ARHGAP45: variants seen among roughly 807,000 people sequenced by gnomAD.
ARHGAP45 encodes rho GTPase-activating protein 45.
A neutral mutation model predicts 116.1 loss-of-function variants in ARHGAP45; 56 were observed. That is an observed-to-expected ratio of 0.48 (90% CI 0.39 to 0.60). ARHGAP45 has a LOEUF of 0.60. Ranked by LOEUF, ARHGAP45 falls within the 20% of genes least tolerant of loss-of-function variation. ARHGAP45 has a pLI of 0.00. For missense variants in ARHGAP45, 1,622 were observed against 1,601.0 expected (o/e 1.01, Z -0.22); for synonymous variants, 866 against 701.7 (o/e 1.23, Z -3.70).
upstream of ARHGAP45, chr19:1,066,284 G>C (rs1185821846): frequency 2.6e-6 from 2 of 761,366 alleles, no homozygotes; most frequent in Non-Finnish European, 4.0e-6. Context: ...CTGCGGGGTG[G>C]GGGTTGGGGG....
intron 8 of ARHGAP45, 65 bp from the exon 9 acceptor site, chr19:1,074,549 T>C: frequency 4.9e-6 from 7 of 1,436,596 alleles, no homozygotes; most frequent in Non-Finnish European, 6.6e-6. Context: ...AGCTGGTGGC[T>C]GGGGGTGCTG....
At chr19:1,078,752 T>C (rs2043340913) in intron 11 of ARHGAP45, among the ~76,000 whole-genome samples, 1 of 151,828 alleles carries the variant, frequency 6.6e-6, no homozygotes, top group Admixed American at 6.6e-5. Context: ...TGTCTTGTTC[T>C]GTCACCCAGG....
intron 2 of ARHGAP45, among the ~76,000 whole-genome samples, chr19:1,072,340 A>G (rs1204461918): frequency 6.6e-6 from 1 of 152,182 alleles, no homozygotes; most frequent in Non-Finnish European, 1.5e-5. Context: ...GATTACAGGC[A>G]TGAGGCACTG....
intron 15 of ARHGAP45, 23 bp from the exon 16 acceptor site, chr19:1,080,659 G>A (rs1229106244): frequency 1.2e-6 from 2 of 1,611,516 alleles, no homozygotes; most frequent in Admixed American, 1.7e-5. Flanking sequence ...GGGGGAGTCT[G>A]AACAGTCCTG....
chr19:1,067,767 G>A (rs1412669704), intron 1 of ARHGAP45: 3 of 651,774 alleles, frequency 4.6e-6, no homozygotes, highest in African/African-American at 1.8e-5. Flanking sequence ...GCCGGGTTGG[G>A]ACGATGTTGT....
chr19:1,079,273 G>T (rs983518000), intron 11 of ARHGAP45, among the ~76,000 whole-genome samples: 1 of 151,858 alleles, frequency 6.6e-6, no homozygotes, highest in African/African-American at 2.4e-5. Context: ...GGCTGAGACG[G>T]GCAGATCATA....
Position 1,081,616 on chromosome 19 carries a change from C to A in ARHGAP45, c.2257C>A (p.Gln753Lys), listed in dbSNP as rs2043436314. The A allele has an allele frequency of 6.4e-7, 1 of 1,561,134 alleles. No individual in the cohort carries two copies. ...LAIQCGHKKL[Q>K]GRLQLFGQDF... ...CATACAGTGCGGGCACAAGAAGCTG[C>A]AAGGCCGCCTGCAGCTGTTCGGCCA... The change falls in exon 18 of 23, where the codon CAA becomes AAA. Residue 753 changes from glutamine (Q) to lysine (K), a missense_variant. This residue lies in a region of ARHGAP45 where 1,334 missense variants were observed against 1,263.8 expected (regional missense o/e 1.06). Coordinates refer to ENST00000313093, the MANE Select transcript of ARHGAP45 (RefSeq NM_012292.5).
At position 1,084,352 on chromosome 19, in the gene ARHGAP45, T is replaced by A; in HGVS notation, c.3064+6T>A. 6.2e-7 allele frequency: 1 copy of A among 1,600,118 alleles called. No homozygotes were observed. The highest frequency in any genetic ancestry group is 8.5e-7 in the Non-Finnish European group (1 of 1,174,258). ...GGCGGCGGACGGGTGCAGAGGTGAGTGTGTGGCTGCCCGAACGGCCCCAAG... is the reference window on the plus strand; with the variant it reads ...GGCGGCGGACGGGTGCAGAGGTGAGAGTGTGGCTGCCCGAACGGCCCCAAG... On this transcript the variant is annotated splice_donor_region_variant and intron_variant, in intron 22 of 22. Transcript: ENST00000313093.
In ARHGAP45 at chr19:1,081,708, C is replaced by T. The variant is rs756704558; in HGVS notation, c.2349C>T (p.Cys783=). The T allele has an allele frequency of 3.2e-6, 5 of 1,585,246 alleles. No homozygotes were observed. The Admixed American group carries it at 8.7e-5, about 28-fold the overall frequency. Residue 783 remains cysteine (C), a synonymous_variant, in exon 18 of 23, where the codon TGC becomes TGT. Coordinates refer to ENST00000313093, the MANE Select transcript of ARHGAP45 (RefSeq NM_012292.5). ...GVPFIVKKCV[C]EIERRALRTK... is the part of the protein sequence containing the mutation. ...CCTTCATCGTCAAGAAGTGCGTCTG[C>T]GAGATCGAGCGGCGGGCGCTGCGCA...
upstream of ARHGAP45, chr19:1,066,248 C>A: frequency 5.1e-6 from 3 of 593,500 alleles, no homozygotes; most frequent in Non-Finnish European, 4.7e-6. Context: ...AGCAGGGAGA[C>A]TTGGGGAGGG....
chr19:1,085,809 AG>A lies in ARHGAP45; in HGVS notation c.3215del (p.Ser1072ThrfsTer45). On this transcript the variant is annotated frameshift_variant, in exon 23 of 23. Transcript: ENST00000313093. LOFTEE classifies it low-confidence loss of function (END_TRUNC). ...CCTAGAGGTGGCTTCTGGCAGCCACAGCGGCAGTGAGGAGCAGCTGGAGGCC... is the reference window on the plus strand; with the variant it reads ...CCTAGAGGTGGCTTCTGGCAGCCACACGGCAGTGAGGAGCAGCTGGAGGCC... ...ASLEVASGSHSGSEEQLEATA... is the reference protein window; with the variant it reads ...ASLEVASGSHXGSEEQLEATA... 1.2e-6 allele frequency: 2 copies of A among 1,612,804 alleles called. No individual in the cohort carries two copies. Among genetic ancestry groups the A allele is most frequent in the Non-Finnish European group, 1.7e-6 (2 of 1,179,896 alleles).
Position 1,080,972 on chromosome 19 carries a change from G to T in ARHGAP45, c.2098G>T (p.Ala700Ser), listed in dbSNP as rs1323117327. 6.2e-7 allele frequency: 1 copy of T among 1,608,160 alleles called. No homozygotes were observed. Among genetic ancestry groups the T allele is most frequent in the Non-Finnish European group, 8.5e-7 (1 of 1,178,214 alleles). ...CCGCCACGAGGGGCTGTCCAAGGCG[G>T]CCCGTACTCACCGGCTCCGGAAGCT... ...PFRHEGLSKAARTHRLRKLRT... is the reference protein window; with the variant it reads ...PFRHEGLSKASRTHRLRKLRT... Residue 700 changes from alanine (A) to serine (S), a missense_variant, in exon 17 of 23, where the codon GCC becomes TCC. Around this residue, in one of 3 missense-constraint regions of ARHGAP45, gnomAD observed 1,334 missense variants for 1,263.8 expected, o/e 1.06. Transcript: ENST00000313093.
rs541268488 is a variant in ARHGAP45 at position 1,086,426 on chromosome 19, C to T, written c.*420C>T. 1.3e-4 allele frequency: 23 copies of T among 175,754 alleles called. No homozygotes were observed. The highest frequency in any genetic ancestry group is 6.4e-4 in the East Asian group (4 of 6,280). 10.9% of individuals were successfully genotyped at this position (175,754 alleles called of 1,614,324 possible). The stretch of plus-strand genomic sequence containing the variant: ...GGACTCCAGAAACCATTCTGGGAGC[C>T]GTGGATGGGGGCGGAGCTGGGGTTT... On this transcript the variant is annotated 3_prime_UTR_variant, in exon 23 of 23. Transcript: ENST00000313093.
At position 1,081,619 on chromosome 19, in the gene ARHGAP45, G is replaced by A; in HGVS notation, c.2260G>A (p.Gly754Ser). 3 of 1,561,008 alleles carry A rather than the reference G, an allele frequency of 1.9e-6. No individual in the cohort carries two copies. Among genetic ancestry groups the A allele is most frequent in the Non-Finnish European group, 2.6e-6 (3 of 1,152,464 alleles). ...AIQCGHKKLQ[G>S]RLQLFGQDFS... is the part of the protein sequence containing the mutation. ...ACAGTGCGGGCACAAGAAGCTGCAAGGCCGCCTGCAGCTGTTCGGCCAGGA... is the reference window on the plus strand; with the variant it reads ...ACAGTGCGGGCACAAGAAGCTGCAAAGCCGCCTGCAGCTGTTCGGCCAGGA... Residue 754 changes from glycine (G) to serine (S), a missense_variant, in exon 18 of 23, where the codon GGC becomes AGC. By Grantham distance (56) the Gly-to-Ser change is moderately conservative. Around this residue, in one of 3 missense-constraint regions of ARHGAP45, gnomAD observed 1,334 missense variants for 1,263.8 expected, o/e 1.06. Coordinates refer to ENST00000313093, the MANE Select transcript of ARHGAP45 (RefSeq NM_012292.5).
rs2043132170 is a variant in ARHGAP45 at position 1,071,138 on chromosome 19, C to G, written c.422-2011C>G. 1 of 1,267,670 alleles carries G rather than the reference C, an allele frequency of 7.9e-7. No individual in the cohort carries two copies. The highest frequency in any genetic ancestry group is 3.9e-5 in the East Asian group (1 of 25,594). The allele number at this position is 1,267,670 out of a possible 1,614,324, so 78.5% of individuals were successfully genotyped here. A position where few individuals can be genotyped will look rare whatever the true frequency, so the allele number is the denominator to read the frequency against. Reference sequence around the variant, plus strand: ...GAAGCTCTGCGGTTAAGGAAGGACCCAGGCTGGGGCGAACGGGACCCCAGG... The same window carrying G: ...GAAGCTCTGCGGTTAAGGAAGGACCGAGGCTGGGGCGAACGGGACCCCAGG... On this transcript the variant is annotated intron_variant, in intron 2 of 22. Transcript: ENST00000313093. The surrounding 1 kb of genome is among the most constrained non-coding windows in gnomAD (Gnocchi z 4.6).
Position 1,073,202 on chromosome 19 carries a change from C to T in ARHGAP45, c.475C>T (p.Arg159Cys), listed in dbSNP as rs1453243150. 4 of 1,612,794 alleles carry T rather than the reference C, an allele frequency of 2.5e-6. No individual in the cohort carries two copies. Among genetic ancestry groups the T allele is most frequent in the South Asian group, 1.1e-5 (1 of 91,082 alleles). ...RAHECLGEALRVMHQIISKYP... is the reference protein window; with the variant it reads ...RAHECLGEALCVMHQIISKYP... The stretch of plus-strand genomic sequence containing the variant: ...CCACGAGTGCCTGGGTGAGGCTCTG[C>T]GTGTCATGCATCAGATCATCTCCAA... Residue 159 changes from arginine to cysteine, a missense_variant, in exon 3 of 23, where the codon CGT becomes TGT. Physicochemically the swap from Arg to Cys is radical, Grantham distance 180. Transcript: ENST00000313093.
rs1211868015 is a variant in ARHGAP45, at chr19:1,081,707, G to T, written c.2348G>T (p.Cys783Phe). 1 of 1,585,998 alleles carries T rather than the reference G, an allele frequency of 6.3e-7. No individual in the cohort carries two copies. The highest frequency in any genetic ancestry group is 8.6e-7 in the Non-Finnish European group (1 of 1,165,714). ...CCCTTCATCGTCAAGAAGTGCGTCT[G>T]CGAGATCGAGCGGCGGGCGCTGCGC... is the stretch of plus-strand genomic sequence containing the variant. Reference protein sequence around the residue: ...GVPFIVKKCVCEIERRALRTK... With the variant: ...GVPFIVKKCVFEIERRALRTK... Residue 783 changes from cysteine to phenylalanine, a missense_variant, in exon 18 of 23, where the codon TGC (cysteine) becomes TTC (phenylalanine). By Grantham distance (205) the Cys-to-Phe change is radical. This residue lies in a region of ARHGAP45 where 1,334 missense variants were observed against 1,263.8 expected (regional missense o/e 1.06). Coordinates refer to ENST00000313093, the MANE Select transcript of ARHGAP45 (RefSeq NM_012292.5).
At chr19:1,077,809 C>T in intron 10 of ARHGAP45, 48 bp from the exon 11 acceptor site, 1 of 1,550,598 alleles carries the variant, frequency 6.4e-7, no homozygotes, top group South Asian at 1.2e-5. Flanking sequence ...GACTGAGTCC[C>T]ATCCGAGGAT....
Position 1,080,029 on chromosome 19 carries a change from G to C in ARHGAP45, c.1614G>C (p.Gln538His). Reference sequence around the variant, plus strand: ...GCAGCAAGCTGTATGACCCAGGCCAGCAGTACGCCTCCCACGTGCGCCAGC... The same window carrying C: ...GCAGCAAGCTGTATGACCCAGGCCACCAGTACGCCTCCCACGTGCGCCAGC... ...CESSKLYDPG[Q>H]QYASHVRQLQ... is the part of the protein sequence containing the mutation. Residue 538 changes from glutamine (Q) to histidine (H), a missense_variant, in exon 13 of 23, where the codon CAG becomes CAC. Physicochemically the swap from Gln to His is conservative, Grantham distance 24. Around this residue, in one of 3 missense-constraint regions of ARHGAP45, gnomAD observed 1,334 missense variants for 1,263.8 expected, o/e 1.06. Coordinates refer to ENST00000313093, the MANE Select transcript of ARHGAP45 (RefSeq NM_012292.5). 1 of 1,612,886 alleles carries C rather than the reference G, an allele frequency of 6.2e-7. No individual in the cohort carries two copies. The highest frequency in any genetic ancestry group is 1.6e-4 in the Middle Eastern group (1 of 6,062).
Sources: gnomAD v4.1 joint callset for allele counts (sites outside exome capture counted in the v4.1 genomes callset) on GRCh38, gnomAD v4.1.1 for gene constraint, gnomAD v4.1.1 regional missense constraint, Gnocchi (gnomAD v3.1) non-coding constraint, MANE v1.5 for transcripts, NCBI Gene and HGNC (gene_info 2026-07-23, HGNC 2026-07-21) for gene names.